The following ANTXRL variants were observed in gnomAD, a reference collection of about 807,000 sequenced individuals.
The protein encoded by ANTXRL is anthrax toxin receptor-like.
In ANTXRL, 63 loss-of-function variants were observed where a neutral mutation model predicts 75.4. The ratio of observed to expected loss-of-function variants is 0.84; its 90% confidence interval spans 0.68 to 1.03. The LOEUF (loss-of-function observed/expected upper bound fraction) is 1.03, where lower values mean the gene tolerates loss of function less well. ANTXRL is among the 50% of genes least tolerant of loss of function. ANTXRL has a pLI of 0.00. For missense variants in ANTXRL, 797 were observed against 789.4 expected, an observed-to-expected ratio of 1.01 and a Z score of -0.12; for synonymous variants, 335 against 291.3, an observed-to-expected ratio of 1.15 and a Z score of -1.53.
At chr10:46,288,242 G>T (rs1836842745) in intron 1 of ANTXRL, among the ~76,000 whole-genome samples, 1 of 152,118 alleles carries the variant, frequency 6.6e-6, no homozygotes, top group Admixed American at 6.5e-5. Flanking sequence ...CAATCTTCAG[G>T]AGAATGTTGC....
intron 10 of ANTXRL, among the ~76,000 whole-genome samples, chr10:46,304,493 C>T (rs1359759430): frequency 7.9e-5 from 12 of 152,096 alleles, no homozygotes; most frequent in Non-Finnish European, 1.2e-4. Context: ...TTCTTGGGCA[C>T]ATGTTCCTGT....
chr10:46,307,588 C>G, intron 12 of ANTXRL, 108 bp downstream of exon 12: 1 of 1,101,588 alleles, frequency 9.1e-7, no homozygotes, highest in Non-Finnish European at 1.3e-6. Flanking sequence ...CAGAAAGTAG[C>G]GTGTGCAGCA....
rs4076896 is a variant in ANTXRL at position 46,288,898 on chromosome 10, G to A, written c.248+1388G>A. 2.1e-3 allele frequency among the ~76,000 whole-genome samples: 313 copies of A among 152,262 alleles called. 5 individuals are homozygous for A. Among genetic ancestry groups the A allele is most frequent in the Admixed American group, 0.017 (258 of 15,294 alleles). ...GAGCAGACAAAAGCAACCTTAATGA[G>A]TCTTCCTAACAAGGCTGGGGGTAAA... On this transcript the variant is annotated intron_variant, in intron 1 of 16. Transcript: ENST00000620264.
chr10:46,327,084 G>A (rs1839252812), intron 16 of ANTXRL, among the ~76,000 whole-genome samples: 1 of 152,160 alleles, frequency 6.6e-6, no homozygotes, highest in African/African-American at 2.4e-5. Flanking sequence ...CAGCACCAGA[G>A]CTGAGGCTCA....
chr10:46,296,383 C>G, intron 5 of ANTXRL, 131 bp downstream of exon 5: 1 of 1,005,280 alleles, frequency 9.9e-7, no homozygotes, highest in South Asian at 1.5e-5. Flanking sequence ...CTCACCTGCT[C>G]TGAGCTCCAG....
chr10:46,296,172 G>A (rs1588800737), intron 4 of ANTXRL, 47 bp from the exon 5 acceptor site: 1 of 1,535,518 alleles, frequency 6.5e-7, no homozygotes, highest in East Asian at 2.4e-5. Context: ...GAGCATCAGT[G>A]GGAGCATCTC....
chr10:46,293,281 AGTGTGTGCGTGTGTGCCTGTGT>A (rs879998970), intron 2 of ANTXRL, among the ~76,000 whole-genome samples: 53,391 of 117,760 alleles, frequency 0.45, 9,952 homozygotes, highest in Middle Eastern at 0.53. Flanking sequence ...CGTGTGTGAG[AGTGTGTGCGTGTGTGCCTGTGT>A]GTGTGTGCGT....
chr10:46,315,946 T>TCC (rs1440324847), intron 16 of ANTXRL, among the ~76,000 whole-genome samples: 2 of 152,144 alleles, frequency 1.3e-5, no homozygotes, highest in Non-Finnish European at 2.9e-5. Context: ...GAATAAATTT[T>TCC]TTGATAGTGT....
At chr10:46,290,098 G>A (rs1554956101) in intron 1 of ANTXRL, among the ~76,000 whole-genome samples, 1 of 135,944 alleles carries the variant, frequency 7.4e-6, no homozygotes. Flanking sequence ...CTGGAGTTCA[G>A]CGGCGCGATC....
intron 16 of ANTXRL, among the ~76,000 whole-genome samples, chr10:46,327,810 G>T (rs1805932250): frequency 6.6e-6 from 1 of 152,128 alleles, no homozygotes; most frequent in Non-Finnish European, 1.5e-5. Context: ...GAGACCCCTG[G>T]GATTCCAGGC....
At chr10:46,286,591 C>T (rs1314206463), upstream of ANTXRL, 1 of 152,826 alleles carries the variant, frequency 6.5e-6, no homozygotes, top group African/African-American at 2.4e-5. Context: ...GTTCTGTGTC[C>T]CTAAATGTAG....
intron 13 of ANTXRL, among the ~76,000 whole-genome samples, chr10:46,310,115 C>T (rs1350511703): frequency 6.6e-6 from 1 of 152,090 alleles, no homozygotes; most frequent in African/African-American, 2.4e-5. Context: ...ACAGGCTCTC[C>T]CTAAGGAAGG....
chr10:46,300,532 A>T (rs112886809), intron 9 of ANTXRL, among the ~76,000 whole-genome samples: 9,429 of 148,838 alleles, frequency 0.063, 819 homozygotes, highest in African/African-American at 0.2. Context: ...GCCTGGCAGG[A>T]GTCTGAGGCT....
chr10:46,329,270 G>T (rs1349659705), intron 16 of ANTXRL, among the ~76,000 whole-genome samples: 1 of 152,132 alleles, frequency 6.6e-6, no homozygotes, highest in African/African-American at 2.4e-5. Flanking sequence ...AGAGCCTTCT[G>T]TGCCATGCTG....
intron 15 of ANTXRL, among the ~76,000 whole-genome samples, chr10:46,312,967 C>G (rs1390171890): frequency 6.6e-6 from 1 of 152,212 alleles, no homozygotes; most frequent in Non-Finnish European, 1.5e-5. Context: ...CAGGCTCCTC[C>G]TGTCTTTGGA....
chr10:46,300,795 A>G (rs1268002398), intron 9 of ANTXRL, among the ~76,000 whole-genome samples: 4 of 152,150 alleles, frequency 2.6e-5, no homozygotes, highest in East Asian at 3.9e-4. Context: ...CCCAGGGTGT[A>G]TCATGACTTC....
intron 14 of ANTXRL, among the ~76,000 whole-genome samples, chr10:46,310,729 G>C (rs1262996177): frequency 6.6e-6 from 1 of 152,218 alleles, no homozygotes; most frequent in African/African-American, 2.4e-5. Flanking sequence ...TCGCAGCCTG[G>C]GGTGGCCAGT....
At chr10:46,291,648 G>A (rs1169216247) in intron 1 of ANTXRL, among the ~76,000 whole-genome samples, 2 of 151,988 alleles carry the variant, frequency 1.3e-5, no homozygotes, top group African/African-American at 2.4e-5. Flanking sequence ...TTATTCTTAA[G>A]TATTTTGTTC....
intron 15 of ANTXRL, among the ~76,000 whole-genome samples, chr10:46,312,557 G>T (rs1224595173): frequency 3.4e-5 from 5 of 146,088 alleles, no homozygotes; most frequent in African/African-American, 1.3e-4. Context: ...AGGCTCCTCT[G>T]CAGCCTCAGT....
Sources: gnomAD v4.1 joint callset for allele counts (sites outside exome capture counted in the v4.1 genomes callset) on GRCh38, gnomAD v4.1.1 for gene constraint, MANE v1.5 for transcripts, NCBI Gene and HGNC (gene_info 2026-07-23, HGNC 2026-07-21) for gene names.